The following ZNF695 variants were observed in gnomAD, a reference collection of about 807,000 sequenced individuals.
ZNF695 encodes the protein zinc finger protein SBZF3.
ZNF695 carries 11 observed loss-of-function variants against 11.2 expected under a neutral mutation model. The observed-to-expected ratio is 0.98, with a 90% CI of 0.62 to 1.62. The LOEUF (loss-of-function observed/expected upper bound fraction) is 1.62, where lower values mean the gene tolerates loss of function less well. ZNF695 is among the 40% of genes most tolerant of loss of function. The probability of loss-of-function intolerance (pLI) is 0.00; values close to 1 mark genes in which losing one functional copy is unlikely to be tolerated. For synonymous variants in ZNF695, 190 were observed against 201.4 expected (o/e 0.94, Z 0.48); for missense variants, 559 against 590.5 (o/e 0.95, Z 0.55).
chr1:246,977,303 C>T (rs1419880331), intron 4 of ZNF695, among the ~76,000 whole-genome samples: 1 of 152,230 alleles, frequency 6.6e-6, no homozygotes, highest in Non-Finnish European at 1.5e-5. Flanking sequence ...GTCGCCCAGG[C>T]TGGAGTGCAG....
downstream of ZNF695, among the ~76,000 whole-genome samples, chr1:246,982,600 T>C (rs1425230927): frequency 6.6e-6 from 1 of 152,216 alleles, no homozygotes; most frequent in Non-Finnish European, 1.5e-5. Flanking sequence ...TTTAAAATAT[T>C]TTCTTTTAAC....
chr1:246,987,110 A>G lies in ZNF695; in HGVS notation c.1405T>C (p.Cys469Arg). The G allele has an allele frequency of 8.1e-6, 13 of 1,614,150 alleles. No homozygotes were observed. The highest frequency in any genetic ancestry group is 9.3e-6 in the Non-Finnish European group (11 of 1,180,018). Residue 469 changes from cysteine (C) to arginine (R), a missense_variant, in exon 4 of 4, where the codon TGT becomes CGT. Coordinates refer to ENST00000339986, the MANE Select transcript of ZNF695 (RefSeq NM_020394.5). ...TGEKPYKCEE[C>R]GKAFGQSSHL... Reference sequence around the variant, plus strand: ...GAGCTCTGGCCAAAGGCTTTGCCACATTCTTCACATTTGTAGGGTTTCTCT... The same window carrying G: ...GAGCTCTGGCCAAAGGCTTTGCCACGTTCTTCACATTTGTAGGGTTTCTCT...
downstream of ZNF695, among the ~76,000 whole-genome samples, chr1:246,983,270 G>C (rs572112380): frequency 3.4e-4 from 52 of 151,916 alleles, no homozygotes; most frequent in African/African-American, 1.3e-3. Flanking sequence ...TGTAATGCCA[G>C]CACTTTGGGA....
At chr1:246,984,954 T>C (rs995432143), downstream of ZNF695, among the ~76,000 whole-genome samples, 1 of 152,230 alleles carries the variant, frequency 6.6e-6, no homozygotes, top group Non-Finnish European at 1.5e-5. Context: ...GAATTTCATG[T>C]GGAAATTCTG....
At chr1:246,969,481 G>A (rs541120086) in intron 4 of ZNF695, 1 of 152,336 alleles carries the variant, frequency 6.6e-6, no homozygotes, top group African/African-American at 2.4e-5. Context: ...CAAGTCTCTA[G>A]GAAGTTCCAA....
intron 5 of ZNF695, among the ~76,000 whole-genome samples, chr1:246,965,516 C>T (rs892339442): frequency 5.3e-5 from 8 of 152,092 alleles, no homozygotes; most frequent in Non-Finnish European, 1.2e-4. Flanking sequence ...GCAGGCCGAT[C>T]GCCTAAGGTC....
chr1:246,979,044 T>C (rs780788659), intron 4 of ZNF695, among the ~76,000 whole-genome samples: 8 of 152,214 alleles, frequency 5.3e-5, no homozygotes, highest in South Asian at 2.1e-4. Flanking sequence ...GCCTGACTAC[T>C]GTTCAAAGTC....
chr1:246,992,150 C>A (rs1232989578), intron 3 of ZNF695, among the ~76,000 whole-genome samples: 1 of 148,370 alleles, frequency 6.7e-6, no homozygotes, highest in Non-Finnish European at 1.5e-5. Context: ...GGTGACAGAG[C>A]GAGACTCTGT....
intron 4 of ZNF695, among the ~76,000 whole-genome samples, chr1:246,979,167 T>C (rs142988392): frequency 6.6e-6 from 1 of 152,208 alleles, no homozygotes; most frequent in Non-Finnish European, 1.5e-5. Context: ...AGAGCTGCTC[T>C]GGGTGAACAC....
At chr1:246,958,520 C>G (rs1409655231) in intron 5 of ZNF695, among the ~76,000 whole-genome samples, 1 of 152,170 alleles carries the variant, frequency 6.6e-6, no homozygotes, top group East Asian at 1.9e-4. Context: ...TAAGGAGACT[C>G]AGGCCACAGA....
chr1:246,966,507 C>T (rs575941456), intron 5 of ZNF695, among the ~76,000 whole-genome samples: 6 of 151,550 alleles, frequency 4.0e-5, no homozygotes, highest in South Asian at 2.1e-4. Flanking sequence ...CAAAGTGAGA[C>T]GGCACAGTGA....
At position 246,987,799 on chromosome 1, in the gene ZNF695, T is replaced by G; in HGVS notation, c.716A>C (p.His239Pro). Residue 239 changes from histidine to proline, a missense_variant, in exon 4 of 4, where the codon CAT (histidine) becomes CCT (proline). Physicochemically the swap from His to Pro is moderately conservative, Grantham distance 77 (BLOSUM62 -2). Transcript: ENST00000339986. ...GTTATTACATTCTTCACATTTGCAA[T>G]GTTTCTCTCCAACATGAATTCTCTT... ...DCKRIHVGEKHCKCEECNNIF... is the reference protein window; with the variant it reads ...DCKRIHVGEKPCKCEECNNIF... The G allele has an allele frequency of 6.2e-7, 1 of 1,608,324 alleles. No homozygotes were observed. Among genetic ancestry groups the G allele is most frequent in the Non-Finnish European group, 8.5e-7 (1 of 1,178,432 alleles).
intron 4 of ZNF695, among the ~76,000 whole-genome samples, chr1:246,970,455 C>T (rs771694058): frequency 1.5e-4 from 23 of 152,182 alleles, no homozygotes; most frequent in Middle Eastern, 3.4e-3. Context: ...GGGATGGCTA[C>T]GGCAGTTTGC....
chr1:246,965,754 C>A (rs1026040720), intron 5 of ZNF695, among the ~76,000 whole-genome samples: 1 of 151,652 alleles, frequency 6.6e-6, no homozygotes, highest in African/African-American at 2.4e-5. Flanking sequence ...GTGCAAAAAA[C>A]GAAGAAAGAA....
chr1:246,974,005 G>T (rs892758950), intron 4 of ZNF695, among the ~76,000 whole-genome samples: 4 of 152,044 alleles, frequency 2.6e-5, no homozygotes, highest in African/African-American at 9.7e-5. Flanking sequence ...AGATAATCAA[G>T]AATTATTAAT....
At chr1:246,951,506 C>G (rs1011187042) in intron 5 of ZNF695, among the ~76,000 whole-genome samples, 1 of 152,150 alleles carries the variant, frequency 6.6e-6, no homozygotes, top group Non-Finnish European at 1.5e-5. Flanking sequence ...CCTGCTGACA[C>G]CTTGATTTCA....
At chr1:246,970,491 G>C (rs1438442922) in intron 4 of ZNF695, among the ~76,000 whole-genome samples, 1 of 152,218 alleles carries the variant, frequency 6.6e-6, no homozygotes, top group Non-Finnish European at 1.5e-5. Context: ...GTATTGAAGA[G>C]GAAGAAGCTA....
In ZNF695 at chr1:246,986,919, AT is replaced by A. The variant is rs1475603735; in HGVS notation, c.*47del. The stretch of plus-strand genomic sequence containing the variant: ...AAAATATTCTGCTGTGAAGTTGTGA[AT>A]AGGTATTAAAGACTATGCCATATTG... On this transcript the variant is annotated 3_prime_UTR_variant, in exon 4 of 4. Coordinates refer to ENST00000339986, the MANE Select transcript of ZNF695 (RefSeq NM_020394.5). 6.6e-7 allele frequency: 1 copy of A among 1,520,172 alleles called. No homozygotes were observed. The highest frequency in any genetic ancestry group is 1.4e-5 in the African/African-American group (1 of 71,722). The allele number at this position is 1,520,172 out of a possible 1,614,324, so 94.2% of individuals were successfully genotyped here. A position where few individuals can be genotyped will look rare whatever the true frequency, so the allele number is the denominator to read the frequency against.
intron 3 of ZNF695, among the ~76,000 whole-genome samples, chr1:246,992,426 G>A (rs952068376): frequency 6.6e-6 from 1 of 151,844 alleles, no homozygotes; most frequent in African/African-American, 2.4e-5. Context: ...GGTGGGGGAG[G>A]TGGGGATGGT....
Sources: allele counts gnomAD v4.1 joint callset (sites outside exome capture counted in the v4.1 genomes callset), GRCh38; gene constraint gnomAD v4.1.1; transcripts MANE v1.5; gene names NCBI Gene and HGNC (gene_info 2026-07-23, HGNC 2026-07-21).